CREB5: variants seen among roughly 807,000 people sequenced by gnomAD.
The protein encoded by CREB5 is cAMP responsive element binding protein 5, also known as cyclic AMP-responsive element-binding protein 5.
In CREB5, 19 loss-of-function variants were observed where a neutral mutation model predicts 57.1. The observed-to-expected ratio is 0.33, with a 90% CI of 0.23 to 0.49. The LOEUF is 0.49. CREB5 is among the 20% of genes least tolerant of loss of function. The pLI is 0.99. For missense variants in CREB5, 579 were observed against 671.6 expected (o/e 0.86, Z 1.52); for synonymous variants, 238 against 238.3 (o/e 1.00, Z 0.01).
chr7:28,409,280 A>G (rs1787667934), upstream of CREB5: 1 of 151,472 alleles, frequency 6.6e-6, no homozygotes, highest in Non-Finnish European at 1.5e-5. The surrounding 1 kb of genome is among the most constrained non-coding windows in gnomAD (Gnocchi z 4.4). Context: ...AGCGGACCGC[A>G]ATGATTTAGA....
At chr7:28,500,759 G>A (rs1011473731) in intron 3 of CREB5, among the ~76,000 whole-genome samples, 5 of 152,134 alleles carry the variant, frequency 3.3e-5, no homozygotes, top group South Asian at 2.1e-4. Flanking sequence ...GAGGGAAGAT[G>A]GCGTATCTCA....
At position 28,823,121 on chromosome 7, in the gene CREB5, A is replaced by G. The variant is rs942871206; in HGVS notation, c.*3842A>G. 2 of 152,570 alleles carry G rather than the reference A, an allele frequency of 1.3e-5. No individual in the cohort carries two copies. Among genetic ancestry groups the G allele is most frequent in the African/African-American group, 4.8e-5 (2 of 41,432 alleles). The allele number at this position is 152,570 out of a possible 1,614,324, so 9.5% of individuals were successfully genotyped here. ...GTTGAGTTTGTCATTAAAATCATAA[A>G]CCAGCTGCGGTAACAGACAAGCCTT... On this transcript the variant is annotated 3_prime_UTR_variant, in exon 11 of 11. Transcript: ENST00000357727.
intron 5 of CREB5, among the ~76,000 whole-genome samples, chr7:28,706,537 C>T (rs1489362127): frequency 1.3e-5 from 2 of 152,082 alleles, no homozygotes; most frequent in East Asian, 1.9e-4. Context: ...CTTGTGTGTC[C>T]AGTCCATGAG....
intron 7 of CREB5, among the ~76,000 whole-genome samples, chr7:28,800,581 T>TGTAA (rs1003581220): frequency 6.6e-6 from 1 of 152,120 alleles, no homozygotes; most frequent in African/African-American, 2.4e-5. Flanking sequence ...GTAGGGGAAA[T>TGTAA]GTAAGTGTCA....
chr7:28,440,980 A>C (rs1789163763), intron 1 of CREB5, among the ~76,000 whole-genome samples: 1 of 152,206 alleles, frequency 6.6e-6, no homozygotes, highest in Non-Finnish European at 1.5e-5. Flanking sequence ...AAAATCCCAA[A>C]TGTATTTTAT....
intron 2 of CREB5, among the ~76,000 whole-genome samples, 195 bp downstream of exon 2, chr7:28,488,441 A>C (rs1169787345): frequency 6.6e-6 from 1 of 152,208 alleles, no homozygotes; most frequent in Non-Finnish European, 1.5e-5. Context: ...ATGGTTTGAA[A>C]TACTTCCCTC....
At chr7:28,451,127 G>C (rs142956053) in intron 1 of CREB5, among the ~76,000 whole-genome samples, 1 of 152,202 alleles carries the variant, frequency 6.6e-6, no homozygotes, top group East Asian at 1.9e-4. Context: ...TGTGTCTATG[G>C]AGTGGGTGTG....
intron 4 of CREB5, among the ~76,000 whole-genome samples, chr7:28,545,801 C>T (rs911889926): frequency 1.3e-4 from 20 of 151,420 alleles, no homozygotes; most frequent in Non-Finnish European, 2.8e-4. Context: ...CTGCATGGAT[C>T]CATGTAAAAT....
chr7:28,526,594 G>C (rs1014123226), intron 4 of CREB5, among the ~76,000 whole-genome samples: 2 of 152,192 alleles, frequency 1.3e-5, no homozygotes, highest in Admixed American at 1.3e-4. Flanking sequence ...ACAGAACATT[G>C]TTGGGAAAGA....
At chr7:28,526,487 C>G (rs1793453175) in intron 4 of CREB5, among the ~76,000 whole-genome samples, 1 of 152,256 alleles carries the variant, frequency 6.6e-6, no homozygotes, top group East Asian at 1.9e-4. Context: ...CTTATACCAT[C>G]TTACTTTGCC....
At position 28,494,763 on chromosome 7, in the gene CREB5, C is replaced by G. The variant is rs1791948657; in HGVS notation, c.76-143C>G. 8.5e-6 allele frequency: 5 copies of G among 588,386 alleles called. No homozygotes were observed. In the Admixed American group the frequency reaches 9.9e-5, roughly 12 times the overall value. The allele number at this position is 588,386 out of a possible 1,614,324, so 36.4% of individuals were successfully genotyped here. ...AACTTCACTTACTCATGCTTTCACA[C>G]TTTTTCGAAATGTTTTTTTTTTTTT... On this transcript the variant is annotated intron_variant, in intron 2 of 10. Transcript: ENST00000357727.
At chr7:28,320,926 G>A (rs911071620) in intron 1 of CREB5, among the ~76,000 whole-genome samples, 4 of 152,212 alleles carry the variant, frequency 2.6e-5, no homozygotes, top group African/African-American at 9.6e-5. Flanking sequence ...AATGCAGAGA[G>A]GCAGAATGGG....
intron 5 of CREB5, among the ~76,000 whole-genome samples, chr7:28,595,476 A>G (rs1304279072): frequency 6.6e-6 from 1 of 152,170 alleles, no homozygotes; most frequent in Non-Finnish European, 1.5e-5. Flanking sequence ...TAAATAGCTC[A>G]ACATTTCTTT....
intron 7 of CREB5, among the ~76,000 whole-genome samples, chr7:28,763,807 ATTATTTTTT>A (rs962221494): frequency 8.8e-6 from 1 of 113,436 alleles, no homozygotes; most frequent in East Asian, 3.1e-4. Context: ...TATTATTATT[ATTATTTTTT>A]TTTGAGACAG....
intron 5 of CREB5, among the ~76,000 whole-genome samples, chr7:28,635,712 C>T (rs921615295): frequency 2.0e-5 from 3 of 152,222 alleles, no homozygotes; most frequent in African/African-American, 7.2e-5. Flanking sequence ...TATTATTGTA[C>T]CCACCTGTTT....
chr7:28,603,055 T>C (rs927455001), intron 5 of CREB5, among the ~76,000 whole-genome samples: 1 of 152,244 alleles, frequency 6.6e-6, no homozygotes, highest in South Asian at 2.1e-4. Flanking sequence ...TTACAAGAAT[T>C]AAGGATTTGT....
chr7:28,474,024 A>C (rs924660662), intron 1 of CREB5, among the ~76,000 whole-genome samples: 1 of 151,644 alleles, frequency 6.6e-6, no homozygotes, highest in Non-Finnish European at 1.5e-5. Flanking sequence ...TTCTTACCTT[A>C]CTCCACTGAC....
At chr7:28,633,225 A>G (rs1373897719) in intron 5 of CREB5, among the ~76,000 whole-genome samples, 3 of 152,190 alleles carry the variant, frequency 2.0e-5, no homozygotes, top group Non-Finnish European at 2.9e-5. Context: ...GGTTGGCTAT[A>G]TAATATGTGC....
At chr7:28,547,911 A>G (rs1439318833) in intron 4 of CREB5, among the ~76,000 whole-genome samples, 1 of 152,184 alleles carries the variant, frequency 6.6e-6, no homozygotes, top group Non-Finnish European at 1.5e-5. Context: ...TTAATAAACT[A>G]CTGTCCACAA....
Sources: gnomAD v4.1 joint callset for allele counts (sites outside exome capture counted in the v4.1 genomes callset) on GRCh38, gnomAD v4.1.1 for gene constraint, Gnocchi (gnomAD v3.1) non-coding constraint, MANE v1.5 for transcripts, NCBI Gene and HGNC (gene_info 2026-07-23, HGNC 2026-07-21) for gene names.